The following SUPT3H variants were observed in gnomAD, a reference collection of about 807,000 sequenced individuals.
SUPT3H encodes SPT3 homolog, SAGA and STAGA complex component.
In SUPT3H, 44 loss-of-function variants were observed where a neutral mutation model predicts 44.3. The observed-to-expected ratio is 0.99, with a 90% CI of 0.78 to 1.28. The LOEUF (loss-of-function observed/expected upper bound fraction) is 1.28. Ranked by LOEUF, SUPT3H falls within the 50% of genes most tolerant of loss-of-function variation. SUPT3H has a pLI of 0.00. For missense variants in SUPT3H, 380 were observed against 387.1 expected, an observed-to-expected ratio of 0.98 and a Z score of 0.15; for synonymous variants, 124 against 125.6, an observed-to-expected ratio of 0.99 and a Z score of 0.09.
intron 3 of SUPT3H, among the ~76,000 whole-genome samples, chr6:45,061,347 G>A (rs1791987578): frequency 6.6e-6 from 1 of 152,134 alleles, no homozygotes; most frequent in Non-Finnish European, 1.5e-5. Context: ...AATGTAGGAA[G>A]AGCTAACCAA....
chr6:45,202,441 AC>A (rs1762582127), intron 2 of SUPT3H, among the ~76,000 whole-genome samples: 1 of 152,054 alleles, frequency 6.6e-6, no homozygotes, highest in Admixed American at 6.6e-5. Context: ...AGTCAAAACT[AC>A]TGCAACAAAA....
chr6:44,815,723 A>G (rs569696419), intron 11 of SUPT3H, among the ~76,000 whole-genome samples: 45 of 152,292 alleles, frequency 3.0e-4, no homozygotes, highest in Non-Finnish European at 5.6e-4. Context: ...TAAGTCTACA[A>G]TATTAATTGA....
rs939572583 is a variant in SUPT3H, at chr6:44,954,678, A to G, written c.581-71T>C. On this transcript the variant is annotated intron_variant, in intron 7 of 10. Coordinates refer to ENST00000371459, the MANE Select transcript of SUPT3H (RefSeq NM_003599.4). ...TGTTTTAATACTGCACATTACTATC[A>G]CAAAATTAAAAAAGTATACTCAGAA... 1.2e-5 allele frequency: 10 copies of G among 838,742 alleles called. No homozygotes were observed. The African/African-American group carries it at 1.7e-4, about 14-fold the overall frequency. The allele number at this position is 838,742 out of a possible 1,614,324, so 52.0% of individuals were successfully genotyped here. A position where few individuals can be genotyped will look rare whatever the true frequency, so the allele number is the denominator to read the frequency against.
intron 10 of SUPT3H, among the ~76,000 whole-genome samples, chr6:44,909,150 T>TGTGC (rs775949383): frequency 8.0e-5 from 12 of 150,520 alleles, no homozygotes; most frequent in Non-Finnish European, 1.5e-5. Flanking sequence ...TGCGTGTGTG[T>TGTGC]GTGTGTGTGT....
At chr6:44,942,499 G>A (rs896890958) in intron 9 of SUPT3H, among the ~76,000 whole-genome samples, 7 of 152,290 alleles carry the variant, frequency 4.6e-5, no homozygotes, top group East Asian at 3.9e-4. Flanking sequence ...GCCAGAGTTC[G>A]CGCAATCACA....
intron 2 of SUPT3H, among the ~76,000 whole-genome samples, chr6:45,239,388 T>C (rs1276907790): frequency 1.3e-5 from 2 of 152,322 alleles, no homozygotes; most frequent in South Asian, 4.1e-4. Context: ...ATTTAACCCA[T>C]GTTAATGCCT....
At chr6:45,086,072 C>T (rs1214995953) in intron 3 of SUPT3H, among the ~76,000 whole-genome samples, 2 of 151,992 alleles carry the variant, frequency 1.3e-5, no homozygotes, top group African/African-American at 4.8e-5. Context: ...TTACTTGAAA[C>T]TTAGTTTCTG....
In SUPT3H at chr6:45,294,103, C is replaced by A. The variant is rs1278990725; in HGVS notation, c.101+71098G>T. Among the ~76,000 whole-genome samples, 2 of 152,158 alleles carry A rather than the reference C, an allele frequency of 1.3e-5. 1 individual carries two copies. The highest frequency in any genetic ancestry group is 2.9e-5 in the Non-Finnish European group (2 of 68,020). On this transcript the variant is annotated intron_variant, in intron 2 of 10. Transcript: ENST00000371459. ...AAATCCTTAACAAAATACTTGCTAA[C>A]CAAATCCACAATATATCAAAAAGAC...
At chr6:44,854,140 T>A (rs1223320235) in intron 10 of SUPT3H, among the ~76,000 whole-genome samples, 1 of 152,140 alleles carries the variant, frequency 6.6e-6, no homozygotes, top group Non-Finnish European at 1.5e-5. Flanking sequence ...AGTTAATCCA[T>A]GCTTGGGGCC....
At chr6:45,330,804 T>C (rs959206219) in intron 2 of SUPT3H, among the ~76,000 whole-genome samples, 4 of 151,754 alleles carry the variant, frequency 2.6e-5, no homozygotes, top group African/African-American at 9.7e-5. Context: ...CCAAACAGTA[T>C]CTTGAAGCCT....
chr6:45,133,453 T>C lies in SUPT3H; in HGVS notation c.102-27447A>G, dbSNP rs190642242. Among the ~76,000 whole-genome samples the C allele has an allele frequency of 3.2e-4, 48 of 152,264 alleles. No homozygotes were observed. In the East Asian group the frequency reaches 7.5e-3, roughly 24 times the overall value. On this transcript the variant is annotated intron_variant, in intron 2 of 10. Transcript: ENST00000371459. ...TCATTGTAGAACTGAAAATAAACCA[T>C]ACCAGATACTTAGTTAAAATGCTAA...
chr6:45,224,738 A>G (rs1276278821), intron 2 of SUPT3H, among the ~76,000 whole-genome samples: 1 of 151,582 alleles, frequency 6.6e-6, no homozygotes, highest in Non-Finnish European at 1.5e-5. Context: ...AGATCGCGCC[A>G]CTGCACTCTA....
intron 2 of SUPT3H, among the ~76,000 whole-genome samples, chr6:45,123,414 C>T (rs1801961965): frequency 6.6e-6 from 1 of 150,534 alleles, no homozygotes; most frequent in Non-Finnish European, 1.5e-5. Flanking sequence ...CGCTTTGTCA[C>T]CCAGACTGGA....
intron 10 of SUPT3H, among the ~76,000 whole-genome samples, chr6:44,917,787 C>T (rs1291870138): frequency 6.6e-6 from 1 of 152,130 alleles, no homozygotes; most frequent in Non-Finnish European, 1.5e-5. Flanking sequence ...TAAATACTTC[C>T]ACACCATTTC....
intron 4 of SUPT3H, among the ~76,000 whole-genome samples, chr6:45,015,923 A>G (rs965827886): frequency 7.9e-5 from 12 of 152,134 alleles, no homozygotes; most frequent in African/African-American, 2.4e-4. Flanking sequence ...TGGAACTGTC[A>G]GCTCCCTTGA....
chr6:45,201,174 T>C (rs1762410158), intron 2 of SUPT3H, among the ~76,000 whole-genome samples: 1 of 151,702 alleles, frequency 6.6e-6, no homozygotes, highest in African/African-American at 2.4e-5. Flanking sequence ...AACATAATCA[T>C]TCATTTTATT....
intron 7 of SUPT3H, among the ~76,000 whole-genome samples, chr6:44,955,026 G>A (rs1333924017): frequency 2.0e-5 from 3 of 152,148 alleles, no homozygotes; most frequent in Non-Finnish European, 4.4e-5. Flanking sequence ...AACCTGTGAT[G>A]AAAAAAGAAA....
intron 2 of SUPT3H, chr6:45,322,978 A>C: frequency 6.3e-7 from 1 of 1,576,632 alleles, no homozygotes; most frequent in Non-Finnish European, 8.7e-7. Context: ...CTAAAGGAGA[A>C]AAAACTTCAA....
chr6:44,969,967 A>G (rs1777335158), intron 6 of SUPT3H, among the ~76,000 whole-genome samples: 1 of 152,196 alleles, frequency 6.6e-6, no homozygotes, highest in Non-Finnish European at 1.5e-5. Context: ...GAAAGTGAGT[A>G]ATCCTCAGCA....
Sources: allele counts gnomAD v4.1 joint callset (sites outside exome capture counted in the v4.1 genomes callset), GRCh38; gene constraint gnomAD v4.1.1; transcripts MANE v1.5; gene names NCBI Gene and HGNC (gene_info 2026-07-23, HGNC 2026-07-21).